The following DIAPH2 variants were observed in gnomAD, a reference collection of about 807,000 sequenced individuals.
DIAPH2 encodes the protein diaphanous related formin 2, also known as protein diaphanous homolog 2.
In DIAPH2, 35 loss-of-function variants were observed where a neutral mutation model predicts 92.7. That is an observed-to-expected ratio of 0.38 (90% confidence interval 0.29 to 0.50). The LOEUF (loss-of-function observed/expected upper bound fraction) is 0.50. Ranked by LOEUF, DIAPH2 falls within the 20% of genes least tolerant of loss-of-function variation. DIAPH2 has a pLI of 0.94. For missense variants in DIAPH2, 701 were observed against 819.5 expected, an observed-to-expected ratio of 0.86 and a Z score of 1.77; for synonymous variants, 301 against 280.4, an observed-to-expected ratio of 1.07 and a Z score of -0.73.
chrX:97,508,881 C>T (rs1368415656), intron 26 of DIAPH2, among the ~76,000 whole-genome samples: 1 of 109,428 alleles, frequency 9.1e-6, no homozygotes, highest in Non-Finnish European at 1.9e-5. Context: ...ATTTCTCTTA[C>T]GTAGTATAGG....
chrX:97,247,767 T>G lies in DIAPH2; in HGVS notation c.2772T>G (p.Val924=), dbSNP rs1224002640. 1.9e-5 allele frequency: 23 copies of G among 1,205,291 alleles called. No individual in the cohort carries two copies. The highest frequency in any genetic ancestry group is 2.2e-5 in the Non-Finnish European group (20 of 891,595). ...TTGCATCAATGGAACAACAAATTGT[T>G]CATCTGGAACGTGACATCAAGAAAT... ...SNLASMEQQI[V]HLERDIKKFP... Residue 924 remains valine, a synonymous_variant, in exon 23 of 27, where the codon GTT becomes GTG. Transcript: ENST00000324765.
At chrX:97,269,689 AAAAT>A (rs1254696100) in intron 23 of DIAPH2, among the ~76,000 whole-genome samples, 1 of 111,438 alleles carries the variant, frequency 9.0e-6, no homozygotes, top group African/African-American at 3.3e-5. Context: ...GTATATACCA[AAAAT>A]AAATGAATGA....
chrX:96,751,152 T>TTA (rs200894458), intron 3 of DIAPH2, among the ~76,000 whole-genome samples: 6,745 of 111,988 alleles, frequency 0.06, 211 homozygotes, highest in Middle Eastern at 0.16. Flanking sequence ...GATCCTATTC[T>TTA]TATGGCTTCT....
At position 96,754,923 on chromosome X, in the gene DIAPH2, C is replaced by CAAAAAAAAAA. The variant is rs1007573600; in HGVS notation, c.343-3211_343-3202dup. Reference sequence around the variant, plus strand: ...TGGGCAACAGAGCAAGTCTCCACCTCAAAAAAAAAAAAAAAAAAAAAAAAA... The same window carrying CAAAAAAAAAA: ...TGGGCAACAGAGCAAGTCTCCACCTCAAAAAAAAAAAAAAAAAAAAAAAAAAAAAAAAAAA... On this transcript the variant is annotated intron_variant, in intron 3 of 26. Transcript: ENST00000324765. Among the ~76,000 whole-genome samples the CAAAAAAAAAA allele has an allele frequency of 5.4e-3, 87 of 16,002 alleles. 1 individual carries two copies. The highest frequency in any genetic ancestry group is 8.4e-3 in the Non-Finnish European group (78 of 9,338). 13.9% of individuals were successfully genotyped at this position (16,002 alleles called of 115,157 possible).
Position 96,685,202 on chromosome X carries a change from C to T in DIAPH2, c.132+12C>T. The T allele has an allele frequency of 1.0e-6, 1 of 990,969 alleles. No homozygotes were observed. Among genetic ancestry groups the T allele is most frequent in the Non-Finnish European group, 1.3e-6 (1 of 777,130 alleles). The allele number at this position is 990,969 out of a possible 1,213,427, so 81.7% of individuals were successfully genotyped here. On this transcript the variant is annotated intron_variant, in intron 1 of 26. Coordinates refer to ENST00000324765, the MANE Select transcript of DIAPH2 (RefSeq NM_006729.5). Reference sequence around the variant, plus strand: ...ACAAACCCAAATTGGTGAGTGCTCCCGCAGCCCCCGCCGGCCTTAGGGACA... The same window carrying T: ...ACAAACCCAAATTGGTGAGTGCTCCTGCAGCCCCCGCCGGCCTTAGGGACA...
At chrX:96,709,940 G>T (rs764832648) in intron 1 of DIAPH2, among the ~76,000 whole-genome samples, 28 of 111,841 alleles carry the variant, frequency 2.5e-4, no homozygotes, top group African/African-American at 9.1e-4. Context: ...GGCATTTATT[G>T]AATATGGTAA....
chrX:96,957,566 A>G (rs2065819321), intron 15 of DIAPH2, among the ~76,000 whole-genome samples: 1 of 111,217 alleles, frequency 9.0e-6, no homozygotes, highest in Non-Finnish European at 1.9e-5. Context: ...TCAGATACCA[A>G]CTTTCCTAGC....
intron 17 of DIAPH2, among the ~76,000 whole-genome samples, chrX:97,052,664 G>GCA (rs369634996): frequency 7.2e-5 from 8 of 110,881 alleles, no homozygotes; most frequent in African/African-American, 2.3e-4. Flanking sequence ...AAGAATAAGA[G>GCA]CACAAATGCT....
rs187251974 is a variant in DIAPH2 at position 96,980,502 on chromosome X, G to A, written c.2050+15295G>A. 5.4e-5 allele frequency among the ~76,000 whole-genome samples: 6 copies of A among 110,247 alleles called. No individual in the cohort carries two copies. In the East Asian group the frequency reaches 1.7e-3, roughly 32 times the overall value. ...ATGGGGGGCAGGGTGGGTCAGAGTT[G>A]GTTTTGGGAAAAGCAACACTCAAGT... is the stretch of plus-strand genomic sequence containing the variant. On this transcript the variant is annotated intron_variant, in intron 17 of 26. Transcript: ENST00000324765.
chrX:96,830,837 C>T (rs2064849689), intron 4 of DIAPH2, among the ~76,000 whole-genome samples: 1 of 111,087 alleles, frequency 9.0e-6, no homozygotes, highest in Non-Finnish European at 1.9e-5. Flanking sequence ...GCTCTTCCTT[C>T]TATTGACACA....
intron 25 of DIAPH2, among the ~76,000 whole-genome samples, chrX:97,389,557 A>G (rs2069636536): frequency 9.1e-6 from 1 of 110,415 alleles, no homozygotes; most frequent in African/African-American, 3.3e-5. Context: ...CGCTCCTCCA[A>G]GTGTTTATTA....
At chrX:96,801,054 C>A (rs1341668621) in intron 4 of DIAPH2, among the ~76,000 whole-genome samples, 1 of 112,211 alleles carries the variant, frequency 8.9e-6, no homozygotes, top group East Asian at 2.8e-4. Context: ...GCTTTAAAAG[C>A]TGATTAACAG....
At chrX:97,423,166 T>C (rs2070027083) in intron 25 of DIAPH2, among the ~76,000 whole-genome samples, 1 of 111,173 alleles carries the variant, frequency 9.0e-6, no homozygotes, top group Non-Finnish European at 1.9e-5. Flanking sequence ...CAAACCTGCC[T>C]GACATTTTTC....
chrX:97,419,830 T>G (rs2069989238), intron 25 of DIAPH2, among the ~76,000 whole-genome samples: 1 of 112,307 alleles, frequency 8.9e-6, no homozygotes, highest in African/African-American at 3.2e-5. Context: ...TCAGATTACT[T>G]TGGTACATCA....
chrX:97,281,743 CAA>C (rs768094230), intron 23 of DIAPH2, among the ~76,000 whole-genome samples: 3 of 76,024 alleles, frequency 3.9e-5, no homozygotes. Context: ...GACTCCGTCT[CAA>C]AAAAAAAAAA....
intron 26 of DIAPH2, among the ~76,000 whole-genome samples, chrX:97,505,134 T>A (rs939252019): frequency 8.9e-6 from 1 of 112,209 alleles, no homozygotes; most frequent in African/African-American, 3.2e-5. Context: ...CTCAATACTT[T>A]GCAATTAAAG....
chrX:96,820,437 T>C (rs910960140), intron 4 of DIAPH2, among the ~76,000 whole-genome samples: 1 of 111,165 alleles, frequency 9.0e-6, no homozygotes, highest in African/African-American at 3.3e-5. Context: ...GCCACTGTAC[T>C]CCAGCCTGGG....
intron 17 of DIAPH2, among the ~76,000 whole-genome samples, chrX:97,060,821 G>A (rs938314874): frequency 3.6e-5 from 4 of 112,117 alleles, no homozygotes; most frequent in Admixed American, 9.4e-5. Flanking sequence ...CACAGAAGAC[G>A]GAGTTTGTCA....
At chrX:97,575,693 A>G (rs1294876963) in intron 26 of DIAPH2, among the ~76,000 whole-genome samples, 3 of 111,917 alleles carry the variant, frequency 2.7e-5, no homozygotes, top group Non-Finnish European at 5.6e-5. Flanking sequence ...CAGGAGAAAT[A>G]TTGAGAAGGT....
Sources: gnomAD v4.1 joint callset for allele counts (sites outside exome capture counted in the v4.1 genomes callset) on GRCh38, gnomAD v4.1.1 for gene constraint, MANE v1.5 for transcripts, NCBI Gene and HGNC (gene_info 2026-07-23, HGNC 2026-07-21) for gene names.